CSMD1: variants seen among roughly 807,000 people sequenced by gnomAD.
CSMD1 encodes the protein CUB and Sushi multiple domains 1, also known as CUB and sushi domain-containing protein 1.
In CSMD1, 213 loss-of-function variants were observed where a neutral mutation model predicts 417.5. The observed-to-expected ratio is 0.51, with a 90% confidence interval of 0.46 to 0.57. The LOEUF (loss-of-function observed/expected upper bound fraction) is 0.57, where lower values mean the gene tolerates loss of function less well. CSMD1 is among the 20% of genes least tolerant of loss of function. The pLI is 0.00. For synonymous variants in CSMD1, 2,862 were observed against 1,736.8 expected, an observed-to-expected ratio of 1.65 and a Z score of -16.11; for missense variants, 6,923 against 4,529.7, an observed-to-expected ratio of 1.53 and a Z score of -15.17.
chr8:3,613,031 T>C (rs368487906), intron 8 of CSMD1, among the ~76,000 whole-genome samples: 2 of 152,038 alleles, frequency 1.3e-5, no homozygotes, highest in African/African-American at 2.4e-5. Flanking sequence ...GACATGTTAA[T>C]AGGCAGATGG....
chr8:4,333,481 T>A lies in CSMD1; in HGVS notation c.415+86472A>T, dbSNP rs79246898. Among the ~76,000 whole-genome samples the A allele has an allele frequency of 2.0e-3, 310 of 152,302 alleles. 4 individuals carry two copies. The East Asian group carries it at 0.044, about 22-fold the overall frequency. On this transcript the variant is annotated intron_variant, in intron 3 of 69. Transcript: ENST00000635120. ...CAGTTTCCTTATCTTGGAAATTATA[T>A]TAGTATGATTATGTGTACAGCACTA...
intron 3 of CSMD1, among the ~76,000 whole-genome samples, chr8:4,248,562 T>A (rs1248362204): frequency 6.6e-6 from 1 of 152,196 alleles, no homozygotes; most frequent in Admixed American, 6.5e-5. Flanking sequence ...TATTTCTCTT[T>A]GGCTAACTCT....
intron 3 of CSMD1, among the ~76,000 whole-genome samples, chr8:4,082,700 G>T (rs951391969): frequency 1.3e-5 from 2 of 151,420 alleles, no homozygotes; most frequent in Non-Finnish European, 2.9e-5. Flanking sequence ...TGCCATGCTG[G>T]TGTGCTGCAC....
chr8:4,295,673 T>G (rs1012238084), intron 3 of CSMD1, among the ~76,000 whole-genome samples: 2 of 144,666 alleles, frequency 1.4e-5, no homozygotes, highest in Admixed American at 1.4e-4. Context: ...AGATTACATA[T>G]GTTATATTAT....
At chr8:4,864,841 A>C (rs1166099409) in intron 1 of CSMD1, among the ~76,000 whole-genome samples, 1 of 149,626 alleles carries the variant, frequency 6.7e-6, no homozygotes, top group Admixed American at 6.7e-5. Flanking sequence ...ATTTAAAGTA[A>C]TTGGCCTAAT....
chr8:4,122,378 T>A (rs757281817), intron 3 of CSMD1, among the ~76,000 whole-genome samples: 7 of 152,162 alleles, frequency 4.6e-5, no homozygotes, highest in Non-Finnish European at 8.8e-5. Context: ...TGCCAACAAT[T>A]TGCCAGGCTG....
chr8:3,358,503 T>G (rs9773092), intron 21 of CSMD1, among the ~76,000 whole-genome samples: 42,884 of 152,084 alleles, frequency 0.28, 6,395 homozygotes, highest in African/African-American at 0.39. Context: ...AGTTCCCAGA[T>G]TGCTAATAAA....
At chr8:3,554,477 G>A (rs991547076) in intron 10 of CSMD1, among the ~76,000 whole-genome samples, 3 of 152,264 alleles carry the variant, frequency 2.0e-5, no homozygotes, top group East Asian at 3.9e-4. Context: ...CACATTGAGG[G>A]GAAGGGAGGG....
At chr8:4,011,759 T>C (rs1474314319) in intron 4 of CSMD1, among the ~76,000 whole-genome samples, 4 of 152,154 alleles carry the variant, frequency 2.6e-5, no homozygotes, top group Non-Finnish European at 5.9e-5. Context: ...CTCCCAGTGG[T>C]TACATCTTAT....
rs964830470 is a variant in CSMD1, at chr8:3,676,988, G to A, written c.1009+31426C>T. On this transcript the variant is annotated intron_variant, in intron 7 of 69. Coordinates refer to ENST00000635120, the MANE Select transcript of CSMD1 (RefSeq NM_033225.6). ...AGGACACAGGGAGGGGAACATCATGGACCGGGGCCTGTTGCGGGGTTGGGG... is the reference window on the plus strand; with the variant it reads ...AGGACACAGGGAGGGGAACATCATGAACCGGGGCCTGTTGCGGGGTTGGGG... Among the ~76,000 whole-genome samples the A allele has an allele frequency of 8.4e-4, 127 of 152,014 alleles. 1 individual carries two copies. The highest frequency in any genetic ancestry group is 1.9e-4 in the East Asian group (1 of 5,146).
chr8:4,287,090 A>C (rs184916982), intron 3 of CSMD1, among the ~76,000 whole-genome samples: 11 of 152,340 alleles, frequency 7.2e-5, no homozygotes, highest in Admixed American at 1.3e-4. Flanking sequence ...AAAGAGTTTC[A>C]ATCTACTTCA....
At chr8:3,588,269 T>C (rs529478992) in intron 8 of CSMD1, among the ~76,000 whole-genome samples, 1 of 151,870 alleles carries the variant, frequency 6.6e-6, no homozygotes, top group African/African-American at 2.4e-5. Flanking sequence ...CACAATCTCA[T>C]ATAGATAACA....
chr8:4,154,710 G>T (rs1016087176), intron 3 of CSMD1, among the ~76,000 whole-genome samples: 1 of 152,182 alleles, frequency 6.6e-6, no homozygotes, highest in East Asian at 1.9e-4. Context: ...AGGAAAAAGA[G>T]ATCATGTTTG....
intron 3 of CSMD1, among the ~76,000 whole-genome samples, chr8:4,270,228 G>C (rs1050687869): frequency 1.3e-5 from 2 of 152,096 alleles, no homozygotes; most frequent in African/African-American, 2.4e-5. Context: ...ATCACACCAG[G>C]CATTTCTTTC....
intron 5 of CSMD1, among the ~76,000 whole-genome samples, chr8:3,857,885 G>A (rs191811108): frequency 6.6e-6 from 1 of 152,340 alleles, no homozygotes; most frequent in Admixed American, 6.5e-5. Context: ...ATATGTAACA[G>A]GGATTGCTTC....
At chr8:3,238,985 ACAGT>A (rs557785660) in intron 26 of CSMD1, among the ~76,000 whole-genome samples, 2 of 152,116 alleles carry the variant, frequency 1.3e-5, no homozygotes, top group Non-Finnish European at 2.9e-5. Context: ...TTTTTGGGGC[ACAGT>A]CAAAGTTGGT....
Position 3,214,688 on chromosome 8 carries a change from T to C in CSMD1, c.4676A>G (p.Lys1559Arg). ...LSGFAIEFKE[K>R]PREACFDPGN... is the part of the protein sequence containing the mutation. ...TGGGTCAAAACAAGCTTCCCGTGGTTTCTCTGTGGAAGAAATGAATGTAAA... is the reference window on the plus strand; with the variant it reads ...TGGGTCAAAACAAGCTTCCCGTGGTCTCTCTGTGGAAGAAATGAATGTAAA... The change falls in exon 30 of 70, where the codon AAA becomes AGA. Residue 1559 changes from lysine (K) to arginine (R), a missense_variant. Coordinates refer to ENST00000635120, the MANE Select transcript of CSMD1 (RefSeq NM_033225.6). 1.3e-6 allele frequency: 2 copies of C among 1,549,600 alleles called. No homozygotes were observed. Among genetic ancestry groups the C allele is most frequent in the Non-Finnish European group, 1.7e-6 (2 of 1,146,012 alleles).
rs544212000 is a variant in CSMD1 at position 4,144,073 on chromosome 8, T to A, written c.416-111974A>T. Reference sequence around the variant, plus strand: ...GTTAGGAAATGGGGAGACGGAAGTTTTTCCTTTCCATTAACTTTAGAAAGT... The same window carrying A: ...GTTAGGAAATGGGGAGACGGAAGTTATTCCTTTCCATTAACTTTAGAAAGT... On this transcript the variant is annotated intron_variant, in intron 3 of 69. Coordinates refer to ENST00000635120, the MANE Select transcript of CSMD1 (RefSeq NM_033225.6). 3.6e-4 allele frequency among the ~76,000 whole-genome samples: 54 copies of A among 151,252 alleles called. 1 individual carries two copies. Among genetic ancestry groups the A allele is most frequent in the Non-Finnish European group, 5.9e-4 (40 of 68,038 alleles).
intron 5 of CSMD1, among the ~76,000 whole-genome samples, chr8:3,884,027 C>CA (rs1343650179): frequency 1.8e-4 from 27 of 152,096 alleles, no homozygotes; most frequent in African/African-American, 6.5e-4. Context: ...TTTTAGTTTT[C>CA]ATGCAAAAGA....
Sources: gnomAD v4.1 joint callset for allele counts (sites outside exome capture counted in the v4.1 genomes callset) on GRCh38, gnomAD v4.1.1 for gene constraint, MANE v1.5 for transcripts, NCBI Gene and HGNC (gene_info 2026-07-23, HGNC 2026-07-21) for gene names.